CSMD1: variants seen among roughly 807,000 people sequenced by gnomAD.
CSMD1 encodes CUB and Sushi multiple domains 1.
CSMD1 carries 213 observed loss-of-function variants against 417.5 expected under a neutral mutation model. The observed-to-expected ratio is 0.51, with a 90% CI of 0.46 to 0.57. The LOEUF is 0.57. Among genes scored for constraint, CSMD1 ranks in the 20% least tolerant of loss-of-function variants. The pLI, the probability that CSMD1 is intolerant of heterozygous loss-of-function variation, is 0.00. For synonymous variants in CSMD1, 2,862 were observed against 1,736.8 expected, an observed-to-expected ratio of 1.65 and a Z score of -16.11; for missense variants, 6,923 against 4,529.7, an observed-to-expected ratio of 1.53 and a Z score of -15.17.
At chr8:3,233,183 A>G (rs1798946355) in intron 26 of CSMD1, among the ~76,000 whole-genome samples, 1 of 152,138 alleles carries the variant, frequency 6.6e-6, no homozygotes, top group Admixed American at 6.5e-5. Context: ...TTACGTTGAA[A>G]TGTAATCAAT....
intron 2 of CSMD1, among the ~76,000 whole-genome samples, chr8:4,431,554 GC>G (rs748424506): frequency 3.3e-5 from 5 of 152,038 alleles, no homozygotes; most frequent in African/African-American, 1.2e-4. Context: ...ATCTACACCA[GC>G]CCCGGCCCCA....
At position 3,199,585 on chromosome 8, in the gene CSMD1, C is replaced by T. The variant is rs1296750835; in HGVS notation, c.5194+129G>A. On this transcript the variant is annotated intron_variant, in intron 33 of 69. Transcript: ENST00000635120. ...AATAATTTTATTATAAACATATGAA[C>T]ACCTTCAGCTCCTTAAATATTACAA... The T allele has an allele frequency of 9.7e-5, 40 of 411,376 alleles. No homozygotes were observed. The East Asian group carries it at 1.4e-3, about 15-fold the overall frequency. 25.5% of individuals were successfully genotyped at this position (411,376 alleles called of 1,614,324 possible).
rs1001999547 is a variant in CSMD1, at chr8:4,770,257, A to G, written c.86-132699T>C. Among the ~76,000 whole-genome samples, 3 of 148,292 alleles carry G rather than the reference A, an allele frequency of 2.0e-5. No homozygotes were observed. In the Admixed American group the frequency reaches 2.0e-4, roughly 10 times the overall value. ...CATATTCATATATGTATTCCTAATT[A>G]CATATAAAATTTGTAAATATATATG... On this transcript the variant is annotated intron_variant, in intron 1 of 69. Transcript: ENST00000635120.
intron 5 of CSMD1, among the ~76,000 whole-genome samples, chr8:3,901,903 C>G (rs559257655): frequency 6.6e-6 from 1 of 152,288 alleles, no homozygotes; most frequent in South Asian, 2.1e-4. Context: ...CATTTTAGAT[C>G]TCATGCCATG....
At chr8:3,363,118 G>C (rs1352367182) in intron 20 of CSMD1, among the ~76,000 whole-genome samples, 3 of 152,068 alleles carry the variant, frequency 2.0e-5, no homozygotes, top group Admixed American at 1.3e-4. Flanking sequence ...TGGTGTCTTG[G>C]TCCTCCCATT....
At chr8:4,561,653 G>A (rs1273790208) in intron 2 of CSMD1, among the ~76,000 whole-genome samples, 1 of 152,150 alleles carries the variant, frequency 6.6e-6, no homozygotes, top group Non-Finnish European at 1.5e-5. Context: ...CTGCAATCCA[G>A]CCTGGATGAC....
chr8:3,299,755 T>C (rs1403288803), intron 25 of CSMD1, among the ~76,000 whole-genome samples: 1 of 152,128 alleles, frequency 6.6e-6, no homozygotes, highest in Non-Finnish European at 1.5e-5. Flanking sequence ...GTCAAAAAAG[T>C]CAACATAGGA....
intron 26 of CSMD1, among the ~76,000 whole-genome samples, chr8:3,267,672 T>C (rs539772746): frequency 1.3e-5 from 2 of 152,134 alleles, no homozygotes; most frequent in Admixed American, 1.3e-4. Flanking sequence ...GAAGCAGGGA[T>C]GGAAAGAGAA....
Position 3,247,688 on chromosome 8 carries a change from A to C in CSMD1, c.4154-17457T>G, listed in dbSNP as rs576853071. On this transcript the variant is annotated intron_variant, in intron 26 of 69. Transcript: ENST00000635120. ...GTTCTAAAATAGAACTGTGGCAAAC[A>C]GTTAAACCACATCTCCCAACAGTTG... Among the ~76,000 whole-genome samples the C allele has an allele frequency of 2.0e-5, 3 of 152,332 alleles. No individual in the cohort carries two copies. The East Asian group carries it at 5.8e-4, about 29-fold the overall frequency.
intron 3 of CSMD1, among the ~76,000 whole-genome samples, chr8:4,037,788 C>A (rs1295213437): frequency 6.6e-6 from 1 of 152,020 alleles, no homozygotes; most frequent in Non-Finnish European, 1.5e-5. Context: ...GGGCCTTGAA[C>A]CATTCCAGGT....
intron 63 of CSMD1, among the ~76,000 whole-genome samples, chr8:2,956,524 G>A (rs908259316): frequency 8.6e-5 from 13 of 151,574 alleles, no homozygotes; most frequent in African/African-American, 1.5e-4. Flanking sequence ...CACGATCTCC[G>A]CTCGCTGCAA....
intron 6 of CSMD1, among the ~76,000 whole-genome samples, chr8:3,710,007 A>G (rs956776757): frequency 6.6e-6 from 1 of 151,964 alleles, no homozygotes; most frequent in East Asian, 1.9e-4. Flanking sequence ...GGCTCCCCCA[A>G]AAACCTAAAT....
At chr8:4,731,884 G>T (rs528089475) in intron 1 of CSMD1, among the ~76,000 whole-genome samples, 29 of 152,180 alleles carry the variant, frequency 1.9e-4, no homozygotes, top group African/African-American at 6.3e-4. Context: ...TATTCTAACT[G>T]TCTCTTCTAA....
Position 4,973,679 on chromosome 8 carries a change from T to C in CSMD1, c.85+20653A>G, listed in dbSNP as rs149827487. ...ATTGAAGAATAATACCCATTCATTA[T>C]CCTGACCATAAGCAGAGCTCTTCAA... On this transcript the variant is annotated intron_variant, in intron 1 of 69. Transcript: ENST00000635120. 1.2e-3 allele frequency among the ~76,000 whole-genome samples: 186 copies of C among 152,322 alleles called. 2 individuals are homozygous for C. The South Asian group carries it at 0.025, about 21-fold the overall frequency.
chr8:4,927,085 T>C (rs1252579313), intron 1 of CSMD1, among the ~76,000 whole-genome samples: 1 of 110,784 alleles, frequency 9.0e-6, no homozygotes, highest in Non-Finnish European at 1.9e-5. Context: ...TTGCTTTCAA[T>C]GCATTATTAT....
chr8:3,198,740 A>G (rs1430589021), intron 33 of CSMD1, among the ~76,000 whole-genome samples: 1 of 152,144 alleles, frequency 6.6e-6, no homozygotes, highest in Non-Finnish European at 1.5e-5. Context: ...ATAATATAAC[A>G]CTGTTATACT....
intron 5 of CSMD1, among the ~76,000 whole-genome samples, chr8:3,775,500 A>G (rs1318316004): frequency 6.6e-6 from 1 of 152,220 alleles, no homozygotes; most frequent in Non-Finnish European, 1.5e-5. Flanking sequence ...GAAGTTATGA[A>G]TAACATTTCC....
At chr8:3,006,971 T>C (rs1479496828) in intron 52 of CSMD1, among the ~76,000 whole-genome samples, 2 of 141,878 alleles carry the variant, frequency 1.4e-5, no homozygotes, top group Non-Finnish European at 3.0e-5. Flanking sequence ...GAAACTACCA[T>C]CAGAGTGAAC....
chr8:3,487,505 A>G (rs1420377123), intron 11 of CSMD1, among the ~76,000 whole-genome samples: 1 of 152,174 alleles, frequency 6.6e-6, no homozygotes, highest in African/African-American at 2.4e-5. Flanking sequence ...CCGGCCTATC[A>G]GTATAAATTT....
Sources: gnomAD v4.1 joint callset for allele counts (sites outside exome capture counted in the v4.1 genomes callset) on GRCh38, gnomAD v4.1.1 for gene constraint, MANE v1.5 for transcripts, NCBI Gene and HGNC (gene_info 2026-07-23, HGNC 2026-07-21) for gene names.